RDH8: variants seen among roughly 807,000 people sequenced by gnomAD.
RDH8 encodes photoreceptor outer segment all-trans retinol dehydrogenase.
RDH8 carries 14 observed loss-of-function variants against 22.3 expected under a neutral mutation model. That is an observed-to-expected ratio of 0.63 (90% CI 0.42 to 0.98). RDH8 has a LOEUF of 0.98. Among genes scored for constraint, RDH8 ranks in the 50% least tolerant of loss-of-function variants. RDH8 has a pLI of 0.00. For missense variants in RDH8, 389 were observed against 409.8 expected (o/e 0.95, Z 0.44); for synonymous variants, 175 against 171.7 (o/e 1.02, Z -0.15).
intron 1 of RDH8, among the ~76,000 whole-genome samples, chr19:10,015,436 G>A (rs1318103459): frequency 6.6e-6 from 1 of 151,840 alleles, no homozygotes; most frequent in Non-Finnish European, 1.5e-5. Flanking sequence ...CTAAGCGACA[G>A]AGCATGACTC....
Position 10,018,714 on chromosome 19 carries a change from A to C in RDH8, c.263-17A>C. 6.3e-7 allele frequency: 1 copy of C among 1,583,556 alleles called. No individual in the cohort carries two copies. The highest frequency in any genetic ancestry group is 1.3e-5 in the African/African-American group (1 of 74,338). On this transcript the variant is annotated splice_polypyrimidine_tract_variant and intron_variant, in intron 2 of 5. Transcript: ENST00000591589. ...AGTGAGGGACTTTAAGGTAACCCTT[A>C]GTACCTCTTCTCTTAGTGAATAATG...
chr19:10,021,970 C>G lies in RDH8; in HGVS notation c.*221C>G, dbSNP rs540302744. ...ACAGAGAGGGACCCTGGGAACTTGG[C>G]CTGGGAAGCCCAGAGCAGGAAGCCA... On this transcript the variant is annotated 3_prime_UTR_variant, in exon 6 of 6. Transcript: ENST00000591589. 2.9e-4 allele frequency: 167 copies of G among 580,500 alleles called. No homozygotes were observed. Among genetic ancestry groups the G allele is most frequent in the African/African-American group, 2.7e-3 (143 of 53,512 alleles). The allele number at this position is 580,500 out of a possible 1,614,324, so 36.0% of individuals were successfully genotyped here.
At chr19:10,017,530 A>C (rs752992927) in intron 2 of RDH8, among the ~76,000 whole-genome samples, 1 of 152,178 alleles carries the variant, frequency 6.6e-6, no homozygotes, top group Admixed American at 6.5e-5. Context: ...ATAGTGGTGC[A>C]TGCCTAATCC....
chr19:10,018,492 C>T (rs957603902), intron 2 of RDH8, among the ~76,000 whole-genome samples: 10 of 152,096 alleles, frequency 6.6e-5, no homozygotes. Context: ...AATTGAATTG[C>T]TCATGGATTA....
intron 4 of RDH8, 162 bp from the exon 5 acceptor site, chr19:10,021,093 G>A (rs1348667873): frequency 4.4e-6 from 3 of 689,084 alleles, no homozygotes; most frequent in East Asian, 2.7e-5. Context: ...AGGATTGTTT[G>A]AACCCAGGAG....
At chr19:10,018,093 G>T (rs1382289826) in intron 2 of RDH8, among the ~76,000 whole-genome samples, 1 of 152,076 alleles carries the variant, frequency 6.6e-6, no homozygotes, top group African/African-American at 2.4e-5. Flanking sequence ...TTACAGGCAG[G>T]CGCCACCACA....
intron 2 of RDH8, among the ~76,000 whole-genome samples, chr19:10,017,686 G>T (rs563160848): frequency 1.3e-5 from 2 of 152,084 alleles, no homozygotes; most frequent in Non-Finnish European, 2.9e-5. Context: ...CTTGCTCTGC[G>T]CCCAGGCTGG....
intron 1 of RDH8, 123 bp downstream of exon 1, chr19:10,013,723 G>A (rs1172695519): frequency 6.3e-6 from 6 of 945,540 alleles, no homozygotes; most frequent in African/African-American, 3.2e-5. Flanking sequence ...TTCCCTCCAG[G>A]AATCATCCCC....
chr19:10,018,797 T>C lies in RDH8; in HGVS notation c.329T>C (p.Val110Ala). ...CTCAGCCTTGCTGCCATGCAGAATG[T>C]CTTTGACACCAACTTTTTCGGAGCT... is the stretch of plus-strand genomic sequence containing the variant. ...EGLSLAAMQN[V>A]FDTNFFGAVR... The change falls in exon 3 of 6, where the codon GTC (valine) becomes GCC (alanine). Residue 110 changes from valine to alanine, a missense_variant. Transcript: ENST00000591589. 6.2e-7 allele frequency: 1 copy of C among 1,614,044 alleles called. No individual in the cohort carries two copies. The highest frequency in any genetic ancestry group is 1.1e-5 in the South Asian group (1 of 91,050).
intron 1 of RDH8, among the ~76,000 whole-genome samples, chr19:10,015,036 A>G (rs1205498143): frequency 6.6e-6 from 1 of 152,208 alleles, no homozygotes; most frequent in African/African-American, 2.4e-5. Context: ...TGACCCGAAG[A>G]CAAGAGGCAA....
chr19:10,016,345 C>G (rs1230003102), intron 1 of RDH8, among the ~76,000 whole-genome samples: 1 of 145,636 alleles, frequency 6.9e-6, no homozygotes, highest in Non-Finnish European at 1.5e-5. Flanking sequence ...TTAGTAGAGA[C>G]GGGGTTTCAC....
At chr19:10,013,705 AC>A in intron 1 of RDH8, 105 bp downstream of exon 1, 2 of 1,193,156 alleles carry the variant, frequency 1.7e-6, no homozygotes, top group South Asian at 1.3e-5. Context: ...GCTTGGGGAG[AC>A]CCAGGATTCC....
At chr19:10,019,502 A>AT (rs752410346) in intron 3 of RDH8, among the ~76,000 whole-genome samples, 1 of 151,684 alleles carries the variant, frequency 6.6e-6, no homozygotes, top group Non-Finnish European at 1.5e-5. Context: ...ACTACTAAAA[A>AT]TTTTTTTAGA....
At chr19:10,020,410 A>G (rs973573747) in intron 3 of RDH8, among the ~76,000 whole-genome samples, 12 of 151,002 alleles carry the variant, frequency 7.9e-5, no homozygotes, top group Non-Finnish European at 1.6e-4. Flanking sequence ...AATGAAGAGA[A>G]AAATGAAGGG....
At chr19:10,014,743 G>T (rs1308233023) in intron 1 of RDH8, among the ~76,000 whole-genome samples, 1 of 152,042 alleles carries the variant, frequency 6.6e-6, no homozygotes, top group Non-Finnish European at 1.5e-5. Context: ...CACCATGTTG[G>T]CCAGACCGGT....
intron 1 of RDH8, among the ~76,000 whole-genome samples, chr19:10,013,930 T>C (rs2087589158): frequency 6.6e-6 from 1 of 151,418 alleles, no homozygotes; most frequent in Non-Finnish European, 1.5e-5. Flanking sequence ...AAATAAAGCA[T>C]GCTGAGAGTG....
At chr19:10,015,050 C>T (rs1355625971) in intron 1 of RDH8, among the ~76,000 whole-genome samples, 4 of 152,172 alleles carry the variant, frequency 2.6e-5, no homozygotes, top group Non-Finnish European at 5.9e-5. Flanking sequence ...GAGGCAAATG[C>T]CCCCAGGAGT....
chr19:10,017,049 C>T lies in RDH8; in HGVS notation c.104-8C>T, dbSNP rs1169457879. On this transcript the variant is annotated splice_polypyrimidine_tract_variant and splice_region_variant and intron_variant, in intron 1 of 5. Transcript: ENST00000591589. ...GTGCCTGTCCCTGCTTTACTCTCTG[C>T]CCCGCAGTCGTGGCCACCATGAGGG... 1.3e-6 allele frequency: 2 copies of T among 1,549,314 alleles called. No homozygotes were observed. The highest frequency in any genetic ancestry group is 2.3e-5 in the East Asian group (1 of 43,894).
At chr19:10,017,495 C>T (rs568083447) in intron 2 of RDH8, among the ~76,000 whole-genome samples, 2 of 152,092 alleles carry the variant, frequency 1.3e-5, no homozygotes, top group East Asian at 3.9e-4. Context: ...TCTGACTCTA[C>T]AAAAAAATTA....
Sources: gnomAD v4.1 joint callset for allele counts (sites outside exome capture counted in the v4.1 genomes callset) on GRCh38, gnomAD v4.1.1 for gene constraint, MANE v1.5 for transcripts, NCBI Gene and HGNC (gene_info 2026-07-23, HGNC 2026-07-21) for gene names.